USH2A: variants seen among roughly 807,000 people sequenced by gnomAD.
USH2A encodes the protein Usher syndrome 2A (autosomal recessive, mild).
A neutral mutation model predicts 538.9 loss-of-function variants in USH2A; 443 were observed. The observed-to-expected ratio is 0.82, with a 90% CI of 0.76 to 0.89. The LOEUF is 0.89. Ranked by LOEUF, USH2A falls within the 40% of genes least tolerant of loss-of-function variation. The pLI is 0.00. For synonymous variants in USH2A, 2,413 were observed against 2,273.5 expected, an observed-to-expected ratio of 1.06 and a Z score of -1.75; for missense variants, 6,633 against 6,324.8, an observed-to-expected ratio of 1.05 and a Z score of -1.65.
At chr1:215,935,307 C>T (rs184259782) in intron 37 of USH2A, among the ~76,000 whole-genome samples, 15 of 152,058 alleles carry the variant, frequency 9.9e-5, no homozygotes, top group Admixed American at 6.6e-4. Flanking sequence ...GAGGTGTTTT[C>T]TGTTCACTTT....
At chr1:216,244,082 T>G (rs567521241) in intron 13 of USH2A, among the ~76,000 whole-genome samples, 1 of 152,308 alleles carries the variant, frequency 6.6e-6, no homozygotes, top group South Asian at 2.1e-4. Context: ...GTCAACTTTG[T>G]TGTTCACTGA....
intron 20 of USH2A, among the ~76,000 whole-genome samples, chr1:216,184,810 T>A (rs1306452731): frequency 6.6e-6 from 1 of 151,970 alleles, no homozygotes. Context: ...TGCAAAACAA[T>A]GTGTGTTTTC....
At chr1:216,256,028 A>C (rs1408635625) in intron 11 of USH2A, among the ~76,000 whole-genome samples, 1 of 152,086 alleles carries the variant, frequency 6.6e-6, no homozygotes, top group Non-Finnish European at 1.5e-5. Context: ...CTAAAAATTC[A>C]TGTTTTCTCA....
At chr1:216,021,936 T>A (rs1329975178) in intron 32 of USH2A, among the ~76,000 whole-genome samples, 1 of 152,128 alleles carries the variant, frequency 6.6e-6, no homozygotes, top group Non-Finnish European at 1.5e-5. Context: ...AGATCCCTCA[T>A]GAGTGGCTTG....
intron 36 of USH2A, 70 bp from the exon 37 acceptor site, chr1:215,965,549 C>T: frequency 6.4e-7 from 1 of 1,561,444 alleles, no homozygotes; most frequent in Non-Finnish European, 8.8e-7. Flanking sequence ...GAGCATATTT[C>T]TTCAAAGAAT....
intron 49 of USH2A, among the ~76,000 whole-genome samples, chr1:215,811,531 G>A (rs1662682281): frequency 6.6e-6 from 1 of 152,034 alleles, no homozygotes; most frequent in Non-Finnish European, 1.5e-5. Context: ...CAAGAAGACA[G>A]CTCTGACTCC....
At chr1:215,627,437 C>CTTCCTTCCTTCTTTCCTTCCTTCT (rs1656084967) in intron 71 of USH2A, among the ~76,000 whole-genome samples, 10 of 50,724 alleles carry the variant, frequency 2.0e-4, no homozygotes, top group African/African-American at 5.2e-4. Flanking sequence ...TCCTTCCTTC[C>CTTCCTTCCTTCTTTCCTTCCTTCT]TTCCTTCCTT....
chr1:215,954,458 G>T (rs971284374), intron 37 of USH2A, among the ~76,000 whole-genome samples: 2 of 150,606 alleles, frequency 1.3e-5, no homozygotes, highest in Non-Finnish European at 3.0e-5. Context: ...GCAAACTATC[G>T]CAAGGACAAA....
chr1:215,743,382 ATATATGTGTGTG>A, intron 58 of USH2A, 47 bp from the exon 59 acceptor site: 1 of 448,300 alleles, frequency 2.2e-6, no homozygotes. Flanking sequence ...ATATATATAT[ATATATGTGTGTG>A]TGTGTGTGTG....
At chr1:216,152,311 G>A (rs1052469107) in intron 21 of USH2A, among the ~76,000 whole-genome samples, 5 of 152,178 alleles carry the variant, frequency 3.3e-5, no homozygotes, top group African/African-American at 1.2e-4. Flanking sequence ...AAGTGAATAT[G>A]TCCTGCCCCA....
chr1:216,135,361 A>T (rs552265978), intron 21 of USH2A, among the ~76,000 whole-genome samples: 1 of 152,232 alleles, frequency 6.6e-6, no homozygotes, highest in Non-Finnish European at 1.5e-5. Flanking sequence ...ACAAGCTATT[A>T]TATAATATTT....
chr1:216,193,834 C>T (rs1322967865), intron 19 of USH2A, among the ~76,000 whole-genome samples: 3 of 152,022 alleles, frequency 2.0e-5, no homozygotes, highest in African/African-American at 7.2e-5. Flanking sequence ...TGTTTTAAGA[C>T]ACTCAGTTTA....
At chr1:216,273,780 G>A in intron 11 of USH2A, among the ~76,000 whole-genome samples, 1 of 144,864 alleles carries the variant, frequency 6.9e-6, no homozygotes. Context: ...TTGTTAAATA[G>A]AGAATGCTTA....
chr1:215,744,910 AAC>A (rs1660429269), intron 58 of USH2A, among the ~76,000 whole-genome samples: 1 of 152,212 alleles, frequency 6.6e-6, no homozygotes, highest in South Asian at 2.1e-4. Context: ...TTAAACTACT[AAC>A]ATTCTATCAT....
chr1:216,165,088 C>T (rs1312690279), intron 21 of USH2A, among the ~76,000 whole-genome samples: 1 of 152,130 alleles, frequency 6.6e-6, no homozygotes, highest in Non-Finnish European at 1.5e-5. Flanking sequence ...CCTCCATTGT[C>T]CTTGAAATAG....
chr1:215,900,121 A>G lies in USH2A; in HGVS notation c.7548T>C (p.Phe2516=). ...YMFRLVASNG[F]GSAHSSWIPF... ...GAATCCAAGAACTATGTGCACTGCC[A>G]AATCCATTGGAGGCAACCAACCGAA... The change falls in exon 40 of 72, where the codon TTT becomes TTC. Residue 2516 remains phenylalanine, a synonymous_variant. Coordinates refer to ENST00000307340, the MANE Select transcript of USH2A (RefSeq NM_206933.4). 1 of 1,613,814 alleles carries G rather than the reference A, an allele frequency of 6.2e-7. No individual in the cohort carries two copies. The highest frequency in any genetic ancestry group is 1.1e-5 in the South Asian group (1 of 91,086).
chr1:216,251,040 T>C lies in USH2A; in HGVS notation c.2030A>G (p.Gln677Arg), dbSNP rs1159057720. 6.8e-6 allele frequency: 11 copies of C among 1,614,002 alleles called. No homozygotes were observed. In the African/African-American group the frequency reaches 8.0e-5, roughly 12 times the overall value. ...HVSGRQCNQC[Q>R]NGFYNLQELD... ...CTCTTGTAGATTGTAGAATCCATTC[T>C]GGCACTGATTGCACTGCCTGCCAGA... The change falls in exon 12 of 72, where the codon CAG (glutamine) becomes CGG (arginine). Residue 677 changes from glutamine (Q) to arginine (R), a missense_variant. Coordinates refer to ENST00000307340, the MANE Select transcript of USH2A (RefSeq NM_206933.4).
At chr1:215,712,856 G>A (rs1169600323) in intron 61 of USH2A, among the ~76,000 whole-genome samples, 1 of 151,804 alleles carries the variant, frequency 6.6e-6, no homozygotes, top group Non-Finnish European at 1.5e-5. Flanking sequence ...ACCCAGGCTG[G>A]AGTGCAGTGG....
intron 44 of USH2A, among the ~76,000 whole-genome samples, chr1:215,858,698 G>C (rs1043615346): frequency 1.3e-5 from 2 of 151,732 alleles, no homozygotes; most frequent in Non-Finnish European, 2.9e-5. Context: ...TAAGAGCTTT[G>C]CTATTAAATG....
Sources: allele counts gnomAD v4.1 joint callset (sites outside exome capture counted in the v4.1 genomes callset), GRCh38; gene constraint gnomAD v4.1.1; transcripts MANE v1.5; gene names NCBI Gene and HGNC (gene_info 2026-07-23, HGNC 2026-07-21).